The following STPG2 variants were observed in gnomAD, a reference collection of about 807,000 sequenced individuals.
STPG2 encodes the protein sperm tail PG-rich repeat containing 2, also known as sperm-tail PG-rich repeat-containing protein 2.
A neutral mutation model predicts 54.2 loss-of-function variants in STPG2; 56 were observed. The observed-to-expected ratio is 1.03, with a 90% CI of 0.83 to 1.29. The LOEUF (loss-of-function observed/expected upper bound fraction) is 1.29, where lower values mean the gene tolerates loss of function less well. STPG2 is among the 50% of genes most tolerant of loss of function. The pLI is 0.00. For synonymous variants in STPG2, 200 were observed against 181.8 expected, an observed-to-expected ratio of 1.10 and a Z score of -0.81; for missense variants, 596 against 544.9, an observed-to-expected ratio of 1.09 and a Z score of -0.93.
chr4:97,680,234 C>T (rs1166827186), intron 10 of STPG2, among the ~76,000 whole-genome samples: 29 of 151,806 alleles, frequency 1.9e-4, no homozygotes, highest in Admixed American at 1.1e-3. Context: ...GCCATTTTTA[C>T]GATATTGATT....
intron 9 of STPG2, among the ~76,000 whole-genome samples, chr4:97,761,774 C>T (rs1175757260): frequency 6.6e-6 from 1 of 152,120 alleles, no homozygotes; most frequent in East Asian, 1.9e-4. Flanking sequence ...AAATGATGAT[C>T]TTTTTTCCTT....
chr4:97,716,097 TC>T (rs1724279284), intron 9 of STPG2, among the ~76,000 whole-genome samples: 1 of 152,088 alleles, frequency 6.6e-6, no homozygotes. Context: ...AAAAAGCTCA[TC>T]ATCACTGGTC....
intron 9 of STPG2, among the ~76,000 whole-genome samples, chr4:97,821,667 G>T (rs76728215): frequency 1.3e-5 from 2 of 152,148 alleles, no homozygotes; most frequent in African/African-American, 4.8e-5. Context: ...AGCACAGGCC[G>T]CCAAGCCTCC....
At chr4:98,113,688 A>T in intron 3 of STPG2, among the ~76,000 whole-genome samples, 1 of 151,788 alleles carries the variant, frequency 6.6e-6, no homozygotes, top group African/African-American at 2.4e-5. Flanking sequence ...TAATAGCATT[A>T]TTATTATTAT....
intron 5 of STPG2, among the ~76,000 whole-genome samples, chr4:98,079,696 G>C (rs1435345089): frequency 1.3e-5 from 2 of 151,948 alleles, no homozygotes; most frequent in Non-Finnish European, 2.9e-5. Context: ...TGGCCCACAA[G>C]ATATCAACTT....
chr4:97,596,390 T>C lies in STPG2; in HGVS notation c.1321-37273A>G, dbSNP rs188994606. Among the ~76,000 whole-genome samples the C allele has an allele frequency of 2.1e-4, 32 of 152,188 alleles. No homozygotes were observed. In the East Asian group the frequency reaches 5.6e-3, roughly 27 times the overall value. ...AAAATATACAAAGACATTTGGAACC[T>C]GAACTTGACACTTGACCAAGCTACC... On this transcript the variant is annotated intron_variant, in intron 10 of 10. Transcript: ENST00000295268.
At chr4:97,503,568 G>A (rs1482969640) in intron 4 of STPG2, among the ~76,000 whole-genome samples, 1 of 151,206 alleles carries the variant, frequency 6.6e-6, no homozygotes. Flanking sequence ...TTACAGGCAT[G>A]AGCCACCGTG....
intron 5 of STPG2, among the ~76,000 whole-genome samples, chr4:98,023,510 T>C (rs1431565166): frequency 2.6e-5 from 4 of 152,190 alleles, no homozygotes; most frequent in Non-Finnish European, 4.4e-5. Flanking sequence ...AGTCTGCCCG[T>C]TCTCAGATCT....
At chr4:97,952,204 G>T (rs1230937102) in intron 7 of STPG2, among the ~76,000 whole-genome samples, 1 of 152,014 alleles carries the variant, frequency 6.6e-6, no homozygotes, top group Admixed American at 6.6e-5. Context: ...GTTTGAAAAA[G>T]GTTGTCTAGG....
chr4:97,500,806 C>G (rs1730708670), intron 4 of STPG2, among the ~76,000 whole-genome samples: 1 of 151,902 alleles, frequency 6.6e-6, no homozygotes, highest in Non-Finnish European at 1.5e-5. Context: ...TTGGCCATGA[C>G]AAGAGTGGTT....
At chr4:97,743,025 T>C (rs1009936563) in intron 9 of STPG2, among the ~76,000 whole-genome samples, 5 of 151,700 alleles carry the variant, frequency 3.3e-5, no homozygotes, top group Admixed American at 1.3e-4. Flanking sequence ...CTTAAATATA[T>C]ATAATAGAAA....
At chr4:97,823,032 C>G (rs1560541895) in intron 9 of STPG2, among the ~76,000 whole-genome samples, 1 of 152,168 alleles carries the variant, frequency 6.6e-6, no homozygotes, top group Non-Finnish European at 1.5e-5. Context: ...GAGGATGATT[C>G]ACAAAGATTA....
intron 9 of STPG2, among the ~76,000 whole-genome samples, chr4:97,767,963 T>A (rs182189320): frequency 6.6e-6 from 1 of 152,066 alleles, no homozygotes; most frequent in Admixed American, 6.5e-5. Context: ...GTCAGGAGAT[T>A]GAGGTCATCC....
chr4:97,764,382 T>C (rs937306455), intron 9 of STPG2, among the ~76,000 whole-genome samples: 2 of 152,170 alleles, frequency 1.3e-5, no homozygotes. Flanking sequence ...AGCTATAAGA[T>C]ACATTAGGTT....
intron 4 of STPG2, among the ~76,000 whole-genome samples, chr4:97,454,377 G>A (rs1350654547): frequency 6.7e-6 from 1 of 150,244 alleles, no homozygotes; most frequent in Non-Finnish European, 1.5e-5. Flanking sequence ...GCCGGGCGCG[G>A]TGGCGGGCGC....
At chr4:97,882,909 C>G (rs1730429515) in intron 8 of STPG2, among the ~76,000 whole-genome samples, 1 of 151,900 alleles carries the variant, frequency 6.6e-6, no homozygotes, top group African/African-American at 2.4e-5. Context: ...CACAACATGT[C>G]TAGTTTTCAA....
chr4:97,534,289 A>G (rs976722581), intron 4 of STPG2, among the ~76,000 whole-genome samples: 6 of 152,094 alleles, frequency 3.9e-5, no homozygotes, highest in African/African-American at 1.4e-4. Flanking sequence ...GTGTTATTGA[A>G]TTACAGGAAT....
chr4:98,135,450 A>G, intron 1 of STPG2, among the ~76,000 whole-genome samples: 1 of 151,842 alleles, frequency 6.6e-6, no homozygotes, highest in East Asian at 1.9e-4. Flanking sequence ...TAAAAAAGTA[A>G]TATCTTGAAG....
At chr4:97,958,606 CA>C (rs1292596033) in intron 7 of STPG2, among the ~76,000 whole-genome samples, 1 of 152,094 alleles carries the variant, frequency 6.6e-6, no homozygotes, top group Non-Finnish European at 1.5e-5. Flanking sequence ...TTATATCAGA[CA>C]AAACAAACTT....
Sources: gnomAD v4.1 joint callset for allele counts (sites outside exome capture counted in the v4.1 genomes callset) on GRCh38, gnomAD v4.1.1 for gene constraint, MANE v1.5 for transcripts, NCBI Gene and HGNC (gene_info 2026-07-23, HGNC 2026-07-21) for gene names.